The following PSIP1 variants were observed in gnomAD, a reference collection of about 807,000 sequenced individuals.
PSIP1 encodes the protein PC4 and SRSF1 interacting protein 1.
A neutral mutation model predicts 74.7 loss-of-function variants in PSIP1; 19 were observed. That is an observed-to-expected ratio of 0.25 (90% CI 0.18 to 0.37). PSIP1 has a LOEUF of 0.37. Among genes scored for constraint, PSIP1 ranks in the 10% least tolerant of loss-of-function variants. PSIP1 has a pLI of 1.00. For missense variants in PSIP1, 601 were observed against 614.3 expected, an observed-to-expected ratio of 0.98 and a Z score of 0.23; for synonymous variants, 222 against 195.3, an observed-to-expected ratio of 1.14 and a Z score of -1.14.
At chr9:15,498,523 T>G (rs1289179297) in intron 3 of PSIP1, among the ~76,000 whole-genome samples, 1 of 152,054 alleles carries the variant, frequency 6.6e-6, no homozygotes, top group African/African-American at 2.4e-5. Flanking sequence ...AAAATCTTCC[T>G]TGGGCACGCA....
At position 15,468,768 on chromosome 9, in the gene PSIP1, A is replaced by G. The variant is rs1050639323; in HGVS notation, c.1282T>C (p.Leu428=). The change falls in exon 14 of 16, where the codon TTG becomes CTG. Residue 428 remains leucine, a synonymous_variant. Coordinates refer to ENST00000380733, the MANE Select transcript of PSIP1 (RefSeq NM_033222.5). ...MLYNKFKNMF[L]VGEGDSVITQ... ...ATCACGGAATCTCCTTCACCAACCA[A>G]GAACATGTTCTTAAACTTGTTATAC... The G allele has an allele frequency of 6.2e-6, 10 of 1,614,016 alleles. No individual in the cohort carries two copies. In the African/African-American group the frequency reaches 1.3e-4, roughly 22 times the overall value.
intron 3 of PSIP1, among the ~76,000 whole-genome samples, chr9:15,498,330 C>T (rs745967728): frequency 6.6e-6 from 1 of 152,122 alleles, no homozygotes; most frequent in Non-Finnish European, 1.5e-5. Flanking sequence ...GCAGGAGAAT[C>T]GCCTGAATTC....
At chr9:15,498,341 G>A (rs1470371501) in intron 3 of PSIP1, among the ~76,000 whole-genome samples, 2 of 152,104 alleles carry the variant, frequency 1.3e-5, no homozygotes, top group African/African-American at 4.8e-5. Context: ...GCCTGAATTC[G>A]GGAGGCGGAG....
rs1340455776 is a variant in PSIP1, at chr9:15,464,850, T to TA, written c.*669dup. The stretch of plus-strand genomic sequence containing the variant: ...TTCACTGAATGCCCAGCCACAAAAC[T>TA]AAATTACCTTCAAAAATTAATGTTT... On this transcript the variant is annotated 3_prime_UTR_variant, in exon 16 of 16. Transcript: ENST00000380733. 4.8e-6 allele frequency: 1 copy of TA among 209,098 alleles called. No individual in the cohort carries two copies. Among genetic ancestry groups the TA allele is most frequent in the Non-Finnish European group, 9.7e-6 (1 of 102,804 alleles). The allele number at this position is 209,098 out of a possible 1,614,324, so 13.0% of individuals were successfully genotyped here. A position where few individuals can be genotyped will look rare whatever the true frequency, so the allele number is the denominator to read the frequency against.
intron 10 of PSIP1, chr9:15,471,283 C>G (rs369438175): frequency 1.3e-6 from 2 of 1,576,326 alleles, no homozygotes; most frequent in South Asian, 1.1e-5. Context: ...TTCACACAAG[C>G]TGCATCTGAA....
intron 3 of PSIP1, among the ~76,000 whole-genome samples, chr9:15,490,623 C>T (rs1421468482): frequency 7.3e-6 from 1 of 137,506 alleles, no homozygotes; most frequent in Non-Finnish European, 1.5e-5. Context: ...GCGGAGGTTG[C>T]AGTGAGCTGT....
chr9:15,470,586 A>G (rs1290705357), intron 10 of PSIP1: 1 of 944,818 alleles, frequency 1.1e-6, no homozygotes, highest in African/African-American at 1.8e-5. Context: ...TTCAGGCCAT[A>G]TTATGAACCA....
Position 15,465,139 on chromosome 9 carries a change from G to A in PSIP1, c.*381C>T, listed in dbSNP as rs1269577005. The A allele has an allele frequency of 4.3e-6, 1 of 234,854 alleles. No individual in the cohort carries two copies. Among genetic ancestry groups the A allele is most frequent in the Non-Finnish European group, 8.4e-6 (1 of 119,522 alleles). The allele number at this position is 234,854 out of a possible 1,614,324, so 14.5% of individuals were successfully genotyped here. On this transcript the variant is annotated 3_prime_UTR_variant, in exon 16 of 16. Coordinates refer to ENST00000380733, the MANE Select transcript of PSIP1 (RefSeq NM_033222.5). ...TAAATCCAAGGTTTGTAAAAACTAT[G>A]CACAAAACCCACAGTATTTGGGAAA...
chr9:15,483,954 C>A (rs1381889729), intron 6 of PSIP1, among the ~76,000 whole-genome samples: 1 of 151,770 alleles, frequency 6.6e-6, no homozygotes, highest in East Asian at 1.9e-4. Flanking sequence ...ATGGTGAAAC[C>A]CCATCTCTAC....
Position 15,474,137 on chromosome 9 carries a change from G to A in PSIP1, c.730C>T (p.Pro244Ser). 1 of 1,612,442 alleles carries A rather than the reference G, an allele frequency of 6.2e-7. No individual in the cohort carries two copies. The highest frequency in any genetic ancestry group is 8.5e-7 in the Non-Finnish European group (1 of 1,179,572). The change falls in exon 9 of 16, where the codon CCA becomes TCA. Residue 244 changes from proline (P) to serine (S), a missense_variant. This residue lies in a region of PSIP1 where 538 missense variants were observed against 507.6 expected (regional missense o/e 1.06). Transcript: ENST00000380733. The stretch of plus-strand genomic sequence containing the variant: ...TCTTTTTTATCCGGCTCTTTTCTTG[G>A]CTTATCTTCTTCCTTCTGGCCCTCT... ...DEEGQKEEDK[P>S]RKEPDKKEGK...
At chr9:15,468,486 C>G (rs566667808) in intron 14 of PSIP1, 144 bp downstream of exon 14, 1 of 894,396 alleles carries the variant, frequency 1.1e-6, no homozygotes, top group African/African-American at 1.6e-5. Context: ...CTTCAATAGG[C>G]CCATCAGATT....
chr9:15,477,482 AAT>A (rs2036141982), intron 8 of PSIP1, among the ~76,000 whole-genome samples: 1 of 152,188 alleles, frequency 6.6e-6, no homozygotes, highest in Non-Finnish European at 1.5e-5. Context: ...CCAATTCTCT[AAT>A]AGTGTTCTAC....
intron 14 of PSIP1, among the ~76,000 whole-genome samples, chr9:15,467,391 A>G (rs902558916): frequency 6.6e-6 from 1 of 152,250 alleles, no homozygotes; most frequent in African/African-American, 2.4e-5. Flanking sequence ...AACAAAAACA[A>G]AAAACCAACC....
At chr9:15,482,923 C>G (rs1266464282) in intron 6 of PSIP1, among the ~76,000 whole-genome samples, 1 of 152,200 alleles carries the variant, frequency 6.6e-6, no homozygotes, top group African/African-American at 2.4e-5. Flanking sequence ...AAGTATCTTA[C>G]TGGTACCCTC....
At chr9:15,493,419 T>A (rs369915955) in intron 3 of PSIP1, among the ~76,000 whole-genome samples, 2 of 152,196 alleles carry the variant, frequency 1.3e-5, no homozygotes, top group Non-Finnish European at 2.9e-5. Context: ...TTCTCAACTT[T>A]CCCACATTTT....
intron 6 of PSIP1, among the ~76,000 whole-genome samples, chr9:15,481,589 C>A (rs1321690778): frequency 6.6e-6 from 1 of 152,054 alleles, no homozygotes; most frequent in South Asian, 2.1e-4. Flanking sequence ...GAGGCTAAGG[C>A]AGGAGAATCA....
rs1013339810 is a variant in PSIP1, at chr9:15,465,132, A to G, written c.*388T>C. On this transcript the variant is annotated 3_prime_UTR_variant, in exon 16 of 16. Transcript: ENST00000380733. ...AGTCTGGTAAATCCAAGGTTTGTAA[A>G]AACTATGCACAAAACCCACAGTATT... is the stretch of plus-strand genomic sequence containing the variant. The G allele has an allele frequency of 1.3e-5, 3 of 233,922 alleles. No individual in the cohort carries two copies. The highest frequency in any genetic ancestry group is 5.6e-5 in the Admixed American group (1 of 17,754). The allele number at this position is 233,922 out of a possible 1,614,324, so 14.5% of individuals were successfully genotyped here.
At position 15,469,998 on chromosome 9, in the gene PSIP1, C is replaced by T; in HGVS notation, c.978-5G>A. 3 of 1,599,564 alleles carry T rather than the reference C, an allele frequency of 1.9e-6. No homozygotes were observed. The highest frequency in any genetic ancestry group is 1.7e-5 in the Admixed American group (1 of 59,940). The stretch of plus-strand genomic sequence containing the variant: ...TTTCCTTCATCTTTATTCTGCCTAT[C>T]AAATGTTAACAAAAATATTTCAACA... On this transcript the variant is annotated splice_polypyrimidine_tract_variant and splice_region_variant and intron_variant, in intron 10 of 15. Transcript: ENST00000380733.
chr9:15,474,033 T>A lies in PSIP1; in HGVS notation c.834A>T (p.Glu278Asp). ...CCTTTTCACCTTCTTGATCATCTCC[T>A]TCTTCTTCAGAATCGGAGGTTGAAG... ...GVTSTSDSEEEGDDQEGEKKR... is the reference protein window; with the variant it reads ...GVTSTSDSEEDGDDQEGEKKR... Residue 278 changes from glutamate to aspartate, a missense_variant, in exon 9 of 16, where the codon GAA (glutamate) becomes GAT (aspartate). By Grantham distance (45) the Glu-to-Asp change is conservative. Coordinates refer to ENST00000380733, the MANE Select transcript of PSIP1 (RefSeq NM_033222.5). The A allele has an allele frequency of 6.2e-7, 1 of 1,612,858 alleles. No homozygotes were observed.
Sources: allele counts gnomAD v4.1 joint callset (sites outside exome capture counted in the v4.1 genomes callset), GRCh38; gene constraint gnomAD v4.1.1; regional missense constraint gnomAD v4.1.1; transcripts MANE v1.5; gene names NCBI Gene and HGNC (gene_info 2026-07-23, HGNC 2026-07-21).